Variants in KALRN observed in about 807,000 individuals in gnomAD.
KALRN encodes the protein kalirin RhoGEF kinase.
Under a neutral mutation model 353.7 loss-of-function variants are expected in KALRN, and 70 were observed. The observed-to-expected ratio is 0.20, with a 90% CI of 0.16 to 0.24. The LOEUF is 0.24. Among genes scored for constraint, KALRN ranks in the 10% least tolerant of loss-of-function variants. The pLI is 1.00. For synonymous variants in KALRN, 1,391 were observed against 1,434.8 expected (o/e 0.97, Z 0.69); for missense variants, 2,791 against 3,756.7 (o/e 0.74, Z 6.72).
chr3:124,285,970 G>A (rs1215771561), intron 5 of KALRN, among the ~76,000 whole-genome samples: 1 of 151,724 alleles, frequency 6.6e-6, no homozygotes, highest in East Asian at 1.9e-4. Flanking sequence ...TGTATTGGAC[G>A]GCACTGTACT....
intron 10 of KALRN, among the ~76,000 whole-genome samples, chr3:124,370,591 G>T (rs2085706741): frequency 6.6e-6 from 1 of 152,126 alleles, no homozygotes; most frequent in African/African-American, 2.4e-5. Flanking sequence ...TCCACCTCTT[G>T]GTAGCCATTG....
intron 1 of KALRN, among the ~76,000 whole-genome samples, chr3:124,050,910 C>T (rs2040969749): frequency 6.6e-6 from 1 of 152,112 alleles, no homozygotes; most frequent in South Asian, 2.1e-4. Flanking sequence ...TCCTAAACTT[C>T]CTTGAGGCAA....
chr3:124,396,149 C>G lies in KALRN; in HGVS notation c.2171+806C>G, dbSNP rs572299839. The stretch of plus-strand genomic sequence containing the variant: ...TTGCCCACAGGGACTTTTTCCTATC[C>G]CAAAATCACTGAGTGCTGGGACCTC... On this transcript the variant is annotated intron_variant, in intron 12 of 59. Transcript: ENST00000682506. Among the ~76,000 whole-genome samples the G allele has an allele frequency of 1.4e-3, 207 of 152,194 alleles. 1 individual carries two copies. The highest frequency in any genetic ancestry group is 4.5e-3 in the African/African-American group (186 of 41,518).
At chr3:124,299,591 A>G (rs1291669242) in intron 6 of KALRN, among the ~76,000 whole-genome samples, 1 of 152,124 alleles carries the variant, frequency 6.6e-6, no homozygotes, top group Non-Finnish European at 1.5e-5. Context: ...GCCAGATAGA[A>G]CTTACTTTAC....
chr3:124,381,865 A>G (rs921328449), intron 10 of KALRN, among the ~76,000 whole-genome samples: 4 of 152,176 alleles, frequency 2.6e-5, no homozygotes, highest in African/African-American at 7.2e-5. Context: ...CATTGTTACT[A>G]TAAAGTGTGA....
intron 34 of KALRN, among the ~76,000 whole-genome samples, chr3:124,631,075 G>T (rs1561471852): frequency 6.6e-6 from 1 of 152,100 alleles, no homozygotes; most frequent in Admixed American, 6.6e-5. Context: ...CATTTGACAC[G>T]CCGATTTCTC....
chr3:124,315,115 A>G (rs1401239579), intron 6 of KALRN, among the ~76,000 whole-genome samples: 1 of 152,198 alleles, frequency 6.6e-6, no homozygotes, highest in Non-Finnish European at 1.5e-5. Flanking sequence ...AGGTTTGGAG[A>G]GTCAAGTATC....
chr3:124,569,621 T>C (rs935979218), intron 34 of KALRN, among the ~76,000 whole-genome samples: 1 of 152,190 alleles, frequency 6.6e-6, no homozygotes, highest in Non-Finnish European at 1.5e-5. Context: ...CCCACGCCTG[T>C]CCATTTCCCA....
intron 33 of KALRN, among the ~76,000 whole-genome samples, chr3:124,534,185 G>A (rs1270222850): frequency 3.9e-5 from 6 of 152,226 alleles, no homozygotes; most frequent in Non-Finnish European, 8.8e-5. Context: ...GTGGAATCCT[G>A]AATGGGATTC....
chr3:124,397,284 T>C (rs1445628), intron 12 of KALRN, among the ~76,000 whole-genome samples: 22,867 of 152,120 alleles, frequency 0.15, 2,096 homozygotes, highest in Admixed American at 0.26. Flanking sequence ...GGAGTAGAAA[T>C]TGTGCCTGTA....
chr3:124,161,629 G>A (rs928515981), intron 1 of KALRN, among the ~76,000 whole-genome samples: 1 of 152,216 alleles, frequency 6.6e-6, no homozygotes, highest in African/African-American at 2.4e-5. Flanking sequence ...AATGTCTCGT[G>A]TTATTATGGA....
At chr3:124,263,289 ACTGTGACT>A (rs1312147214) in intron 3 of KALRN, among the ~76,000 whole-genome samples, 2 of 152,220 alleles carry the variant, frequency 1.3e-5, no homozygotes, top group Non-Finnish European at 2.9e-5. Context: ...TGCATTTCAC[ACTGTGACT>A]CTTACAATGG....
intron 25 of KALRN, among the ~76,000 whole-genome samples, chr3:124,470,262 G>T (rs1448376109): frequency 2.0e-5 from 3 of 152,100 alleles, no homozygotes; most frequent in Non-Finnish European, 4.4e-5. Flanking sequence ...GGGCCAAATT[G>T]CTGCTATAGA....
intron 23 of KALRN, among the ~76,000 whole-genome samples, chr3:124,458,149 G>A (rs536374446): frequency 1.0e-3 from 159 of 151,908 alleles, no homozygotes; most frequent in Non-Finnish European, 1.8e-3. Context: ...GGTAGCACAC[G>A]CCTGTAATCC....
intron 9 of KALRN, among the ~76,000 whole-genome samples, chr3:124,345,537 A>G (rs1422872470): frequency 1.3e-5 from 2 of 152,232 alleles, no homozygotes; most frequent in African/African-American, 4.8e-5. Flanking sequence ...ATCCAGCACT[A>G]CCACAATTTC....
chr3:124,146,874 C>CAAAAAAAAAAAAAAAAAAAAA (rs34633708), intron 1 of KALRN, among the ~76,000 whole-genome samples: 45 of 49,842 alleles, frequency 9.0e-4, no homozygotes, highest in East Asian at 2.0e-3. Context: ...GACTCTGTCT[C>CAAAAAAAAAAAAAAAAAAAAA]AAAAAAAAAA....
At chr3:124,413,091 A>G (rs1265814072) in intron 13 of KALRN, among the ~76,000 whole-genome samples, 5 of 152,162 alleles carry the variant, frequency 3.3e-5, no homozygotes, top group Non-Finnish European at 7.4e-5. Flanking sequence ...AAATAACCCC[A>G]TCTGTCTGTG....
chr3:124,717,329 A>G lies in KALRN; in HGVS notation c.8359A>G (p.Ile2787Val). Reference sequence around the variant, plus strand: ...AAAAGTAGCTTTCTATATCCGAGACATCATGGAGGCTCTGCAGTACCTTCA... The same window carrying G: ...AAAAGTAGCTTTCTATATCCGAGACGTCATGGAGGCTCTGCAGTACCTTCA... ...EEKVAFYIRD[I>V]MEALQYLHNC... Residue 2787 changes from isoleucine (I) to valine (V), a missense_variant, in exon 59 of 60, where the codon ATC becomes GTC. Physicochemically the swap from Ile to Val is conservative, Grantham distance 29. This residue lies in a region of KALRN where 188 missense variants were observed against 402.9 expected (regional missense o/e 0.47). Transcript: ENST00000682506. 1.2e-6 allele frequency: 2 copies of G among 1,612,804 alleles called. No individual in the cohort carries two copies. Among genetic ancestry groups the G allele is most frequent in the South Asian group, 1.1e-5 (1 of 90,872 alleles).
chr3:124,426,456 G>A (rs1234253621), intron 15 of KALRN, among the ~76,000 whole-genome samples: 1 of 152,064 alleles, frequency 6.6e-6, no homozygotes, highest in Admixed American at 6.5e-5. Flanking sequence ...ATAGATTAAA[G>A]GTTTAGATTT....
Sources: allele counts gnomAD v4.1 joint callset (sites outside exome capture counted in the v4.1 genomes callset), GRCh38; gene constraint gnomAD v4.1.1; regional missense constraint gnomAD v4.1.1; transcripts MANE v1.5; gene names NCBI Gene and HGNC (gene_info 2026-07-23, HGNC 2026-07-21).